IGSF10: variants seen among roughly 807,000 people sequenced by gnomAD.
The protein encoded by IGSF10 is immunoglobulin superfamily member 10, also known as calvaria mechanical force protein 608.
Under a neutral mutation model 128.2 loss-of-function variants are expected in IGSF10, and 126 were observed. The ratio of observed to expected loss-of-function variants is 0.98; its 90% CI spans 0.85 to 1.14. The LOEUF (loss-of-function observed/expected upper bound fraction) is 1.14. IGSF10 is among the 50% of genes most tolerant of loss of function. IGSF10 has a pLI of 0.00. For synonymous variants in IGSF10, 1,185 were observed against 1,146.2 expected (o/e 1.03, Z -0.68); for missense variants, 3,295 against 3,149.8 (o/e 1.05, Z -1.10).
chr3:151,540,485 G>A, the IGSF10 span, among the ~76,000 whole-genome samples: 21 of 152,200 alleles, frequency 1.4e-4, no homozygotes, highest in South Asian at 3.6e-3. Flanking sequence ...ATTCTCATTA[G>A]TGTGTTGTAC....
chr3:151,553,819 A>T, the IGSF10 span, among the ~76,000 whole-genome samples: 1 of 151,830 alleles, frequency 6.6e-6, no homozygotes, highest in Admixed American at 6.6e-5. Context: ...TTTTCATTAG[A>T]ATTTGCTTTT....
chr3:151,519,729 A>T, the IGSF10 span, among the ~76,000 whole-genome samples: 1 of 151,790 alleles, frequency 6.6e-6, no homozygotes, highest in African/African-American at 2.4e-5. Flanking sequence ...CTGAAGGGGA[A>T]ACAAAATGAC....
At chr3:151,539,294 T>G in the IGSF10 span, among the ~76,000 whole-genome samples, 1 of 152,122 alleles carries the variant, frequency 6.6e-6, no homozygotes, top group Non-Finnish European at 1.5e-5. Context: ...GATGCAGACG[T>G]GAACTTTCGC....
chr3:151,445,696 T>C lies in IGSF10; in HGVS notation c.4285A>G (p.Thr1429Ala). 3 of 1,614,262 alleles carry C rather than the reference T, an allele frequency of 1.9e-6. No homozygotes were observed. The South Asian group carries it at 3.3e-5, about 18-fold the overall frequency. ...DVIEELAQAS[T>A]QTLKSTIASE... ...GCAATTGTGCTCTTCAAAGTCTGAG[T>C]ACTTGCTTGGGCTAGTTCTTCAATC... Residue 1429 changes from threonine to alanine, a missense_variant, in exon 6 of 8, where the codon ACT (threonine) becomes GCT (alanine). Transcript: ENST00000282466.
At chr3:151,503,751 G>A in the IGSF10 span, among the ~76,000 whole-genome samples, 1 of 152,154 alleles carries the variant, frequency 6.6e-6, no homozygotes, top group African/African-American at 2.4e-5. Flanking sequence ...ATTCAACTCA[G>A]TCTCCTCAAA....
At chr3:151,563,533 C>G in the IGSF10 span, among the ~76,000 whole-genome samples, 1 of 152,080 alleles carries the variant, frequency 6.6e-6, no homozygotes, top group Non-Finnish European at 1.5e-5. Flanking sequence ...AGCCATCAAG[C>G]CATCAGATAC....
In IGSF10 at chr3:151,437,997, A is replaced by C. The variant is rs775913299; in HGVS notation, c.6564T>G (p.Asp2188Glu). The C allele has an allele frequency of 1.2e-6, 2 of 1,614,094 alleles. No homozygotes were observed. The highest frequency in any genetic ancestry group is 1.7e-6 in the Non-Finnish European group (2 of 1,180,032). Residue 2188 changes from aspartate to glutamate, a missense_variant, in exon 8 of 8, where the codon GAT becomes GAG. Transcript: ENST00000282466. ...ACCCATTGGCATGAAATGTGTACCT[A>C]TCAATGGAGAAGGAAATCATGTCAT... ...PSNDMISFSI[D>E]RYTFHANGSL...
the IGSF10 span, among the ~76,000 whole-genome samples, chr3:151,477,104 C>G: frequency 6.6e-6 from 1 of 152,124 alleles, no homozygotes; most frequent in African/African-American, 2.4e-5. Context: ...AGGGTAAGGT[C>G]TAGAGAATCA....
At chr3:151,571,449 T>TG in the IGSF10 span, among the ~76,000 whole-genome samples, 1 of 152,192 alleles carries the variant, frequency 6.6e-6, no homozygotes, top group Non-Finnish European at 1.5e-5. Flanking sequence ...CCTTGTAAGT[T>TG]GGATTCCTAG....
the IGSF10 span, among the ~76,000 whole-genome samples, chr3:151,474,000 G>A: frequency 6.6e-6 from 1 of 152,082 alleles, no homozygotes; most frequent in East Asian, 1.9e-4. Context: ...CTTGGTGGTA[G>A]TGGGGTATCA....
the IGSF10 span, among the ~76,000 whole-genome samples, chr3:151,512,553 C>A: frequency 6.6e-6 from 1 of 152,032 alleles, no homozygotes; most frequent in South Asian, 2.1e-4. Context: ...ATTAAAAGAA[C>A]TAGAGAAGCA....
Position 151,448,143 on chromosome 3 carries a change from T to C in IGSF10, c.1838A>G (p.Asn613Ser), listed in dbSNP as rs111559920. The C allele has an allele frequency of 4.3e-6, 7 of 1,614,048 alleles. No individual in the cohort carries two copies. The Admixed American group carries it at 6.7e-5, about 15-fold the overall frequency. ...GTCTCTTGATGACTGATAGAGCACA[T>C]TGTTTCCTGGAATAACCCAGCTAAT... ...ASISWVIPGNNVLYQSSRDKK... is the reference protein window; with the variant it reads ...ASISWVIPGNSVLYQSSRDKK... The change falls in exon 6 of 8, where the codon AAT (asparagine) becomes AGT (serine). Residue 613 changes from asparagine (N) to serine (S), a missense_variant. Asn to Ser is a conservative substitution (Grantham distance 46). Coordinates refer to ENST00000282466, the MANE Select transcript of IGSF10 (RefSeq NM_178822.5).
chr3:151,565,253 C>T, the IGSF10 span, among the ~76,000 whole-genome samples: 1 of 152,080 alleles, frequency 6.6e-6, no homozygotes, highest in African/African-American at 2.4e-5. Context: ...TGGGGTTTGG[C>T]AAATTGGTAG....
At chr3:151,528,634 C>T in the IGSF10 span, among the ~76,000 whole-genome samples, 2 of 152,190 alleles carry the variant, frequency 1.3e-5, no homozygotes, top group Admixed American at 1.3e-4. Context: ...CCAAGGGAAG[C>T]CATGAGAGAC....
At chr3:151,529,440 T>C in the IGSF10 span, among the ~76,000 whole-genome samples, 1 of 152,184 alleles carries the variant, frequency 6.6e-6, no homozygotes, top group Admixed American at 6.5e-5. Flanking sequence ...GGCTGACAGA[T>C]ACCTCATACA....
chr3:151,595,758 C>G, the IGSF10 span, among the ~76,000 whole-genome samples: 1 of 141,840 alleles, frequency 7.1e-6, no homozygotes, highest in Admixed American at 7.1e-5. Flanking sequence ...TACATAGAAA[C>G]AGAGAATAGA....
the IGSF10 span, among the ~76,000 whole-genome samples, chr3:151,508,078 C>A: frequency 2.2e-3 from 336 of 151,856 alleles, 7 homozygotes; most frequent in East Asian, 0.042. Flanking sequence ...GGCTACTAAG[C>A]ATTAAAAACT....
chr3:151,495,287 T>C, the IGSF10 span, among the ~76,000 whole-genome samples: 5 of 152,176 alleles, frequency 3.3e-5, no homozygotes, highest in African/African-American at 9.6e-5. Context: ...ATCAAGGTAC[T>C]GAATTCTAAC....
the IGSF10 span, among the ~76,000 whole-genome samples, chr3:151,535,204 G>T: frequency 1.3e-5 from 2 of 152,132 alleles, no homozygotes; most frequent in East Asian, 3.9e-4. Flanking sequence ...CCTAGTAGAG[G>T]TATTATAATG....
Sources: allele counts gnomAD v4.1 joint callset (sites outside exome capture counted in the v4.1 genomes callset), GRCh38; gene constraint gnomAD v4.1.1; transcripts MANE v1.5; gene names NCBI Gene and HGNC (gene_info 2026-07-23, HGNC 2026-07-21).